SHROOM1: variants seen among roughly 807,000 people sequenced by gnomAD.
SHROOM1 encodes protein Shroom1.
Under a neutral mutation model 64.2 loss-of-function variants are expected in SHROOM1, and 53 were observed. That is an observed-to-expected ratio of 0.83 (90% CI 0.66 to 1.04). The LOEUF is 1.04. Among genes scored for constraint, SHROOM1 ranks in the 50% least tolerant of loss-of-function variants. SHROOM1 has a pLI of 0.00. For missense variants in SHROOM1, 1,179 were observed against 1,163.2 expected, an observed-to-expected ratio of 1.01 and a Z score of -0.20; for synonymous variants, 490 against 518.9, an observed-to-expected ratio of 0.94 and a Z score of 0.76.
rs1056049903 is a variant in SHROOM1 at position 132,826,117 on chromosome 5, G to T, written c.24C>A (p.Gly8=). MEALGPG[G]DRASPASSTS... is the part of the protein sequence containing the mutation. The stretch of plus-strand genomic sequence containing the variant: ...TGGACGAGGCCGGGGAGGCGCGGTC[G>T]CCCCCAGGTCCCAGGGCCTCCATGG... The change falls in exon 4 of 10, where the codon GGC becomes GGA. Residue 8 remains glycine (G), a synonymous_variant. Coordinates refer to ENST00000378679, the MANE Select transcript of SHROOM1 (RefSeq NM_001172700.2). 2.4e-5 allele frequency: 33 copies of T among 1,389,354 alleles called. No homozygotes were observed. The highest frequency in any genetic ancestry group is 3.1e-5 in the Non-Finnish European group (33 of 1,071,330). The allele number at this position is 1,389,354 out of a possible 1,614,324, so 86.1% of individuals were successfully genotyped here. A position where few individuals can be genotyped will look rare whatever the true frequency, so the allele number is the denominator to read the frequency against.
At position 132,824,012 on chromosome 5, in the gene SHROOM1, G is replaced by A. The variant is rs1561448491; in HGVS notation, c.1649C>T (p.Ala550Val). The change falls in exon 7 of 10, where the codon GCC becomes GTC. Residue 550 changes from alanine to valine, a missense_variant. Ala to Val is a moderately conservative substitution (Grantham distance 64). Transcript: ENST00000378679. The part of the protein sequence containing the change: ...QCLEELVQEL[A>V]RLDPSLCDPL... ...GTCACATAGAGAGGGATCTAATCTGGCCAGCTCCTGAACCAGCTCCTCGAG... is the reference window on the plus strand; with the variant it reads ...GTCACATAGAGAGGGATCTAATCTGACCAGCTCCTGAACCAGCTCCTCGAG... 1 of 1,606,610 alleles carries A rather than the reference G, an allele frequency of 6.2e-7. No homozygotes were observed. The highest frequency in any genetic ancestry group is 1.1e-5 in the South Asian group (1 of 89,514).
chr5:132,824,350 T>G lies in SHROOM1; in HGVS notation c.1311A>C (p.Thr437=), dbSNP rs1037625223. ...CTGGACACTCATGGAGCGGGTACTC[T>G]GTGGGGACTGTAACCTGGCCAGTTC... is the stretch of plus-strand genomic sequence containing the variant. The part of the protein sequence containing the change: ...GQRTGQVTVP[T]EYPLHECPGT... Residue 437 remains threonine, a synonymous_variant, in exon 7 of 10, where the codon ACA becomes ACC. Transcript: ENST00000378679. 6.2e-7 allele frequency: 1 copy of G among 1,603,538 alleles called. No homozygotes were observed. Among genetic ancestry groups the G allele is most frequent in the Non-Finnish European group, 8.5e-7 (1 of 1,174,912 alleles).
At chr5:132,827,696 G>A (rs1758747554) in intron 1 of SHROOM1, 89 bp from the exon 2 acceptor site, 1 of 152,352 alleles carries the variant, frequency 6.6e-6, no homozygotes, top group African/African-American at 2.4e-5. Flanking sequence ...TTTGCAGGGA[G>A]TAGATGTAGG....
rs1758522217 is a variant in SHROOM1, at chr5:132,823,376, C to T, written c.2100G>A (p.Glu700=). The T allele has an allele frequency of 6.2e-7, 1 of 1,609,236 alleles. No homozygotes were observed. The highest frequency in any genetic ancestry group is 1.7e-5 in the Admixed American group (1 of 59,964). The change falls in exon 9 of 10, where the codon GAG becomes GAA. Residue 700 remains glutamate, a synonymous_variant. Transcript: ENST00000378679. The surrounding 1 kb of genome is among the most constrained non-coding windows in gnomAD (Gnocchi z 4.6). ...GGTCGGCCATGAACCGGCTGAACCG[C>T]TCCAGCTCCTGAGGGGCACAGGCCT... is the stretch of plus-strand genomic sequence containing the variant. ...VRQACAPQEL[E]RFSRFMADLE...
chr5:132,822,286 AAATT>A lies in SHROOM1; in HGVS notation c.*506_*509del, dbSNP rs372518600. The A allele has an allele frequency of 7.7e-3, 1,163 of 151,926 alleles. 12 individuals are homozygous for A. Among genetic ancestry groups the A allele is most frequent in the Non-Finnish European group, 0.012 (843 of 68,058 alleles). The allele number at this position is 151,926 out of a possible 1,614,324, so 9.4% of individuals were successfully genotyped here. A position where few individuals can be genotyped will look rare whatever the true frequency, so the allele number is the denominator to read the frequency against. ...GAATACTGCAGTTTTTAAGATCCAT[AAATT>A]AATTACCAAATAATACACAAGACCT... is the stretch of plus-strand genomic sequence containing the variant. On this transcript the variant is annotated 3_prime_UTR_variant, in exon 10 of 10. Coordinates refer to ENST00000378679, the MANE Select transcript of SHROOM1 (RefSeq NM_001172700.2).
rs371608004 is a variant in SHROOM1 at position 132,823,287 on chromosome 5, A to T, written c.2189T>A (p.Leu730Gln). 75 of 1,600,532 alleles carry T rather than the reference A, an allele frequency of 4.7e-5. No homozygotes were observed. Among genetic ancestry groups the T allele is most frequent in the Non-Finnish European group, 6.2e-5 (73 of 1,178,706 alleles). The change falls in exon 9 of 10, where the codon CTG (leucine) becomes CAG (glutamine). Residue 730 changes from leucine to glutamine, a missense_variant. Transcript: ENST00000378679. This position sits in a 1 kb window ranked among gnomAD's most constrained non-coding sequence, Gnocchi z 4.6. ...GTCGCTGTCTGAGGCCGCCCGGGCC[A>T]GGGCGCGGCGCACGCGCGCCAGGCG... ...GSRLARVRRA[L>Q]ARAASDSDPD...
chr5:132,824,002 A>G lies in SHROOM1; in HGVS notation c.1659T>C (p.Asp553=). 1 of 1,606,668 alleles carries G rather than the reference A, an allele frequency of 6.2e-7. No individual in the cohort carries two copies. The highest frequency in any genetic ancestry group is 8.5e-7 in the Non-Finnish European group (1 of 1,176,268). ...AAGCAAGAGGGTCACATAGAGAGGG[A>G]TCTAATCTGGCCAGCTCCTGAACCA... ...EELVQELARL[D]PSLCDPLASQ... is the part of the protein sequence containing the mutation. The change falls in exon 7 of 10, where the codon GAT becomes GAC. Residue 553 remains aspartate, a synonymous_variant. Coordinates refer to ENST00000378679, the MANE Select transcript of SHROOM1 (RefSeq NM_001172700.2).
chr5:132,828,361 A>C (rs995895956), intron 1 of SHROOM1, among the ~76,000 whole-genome samples: 1 of 152,194 alleles, frequency 6.6e-6, no homozygotes, highest in Non-Finnish European at 1.5e-5. Flanking sequence ...ATGCCTACTA[A>C]GCCCAGGAGC....
At chr5:132,828,748 A>G (rs2150033805) in intron 1 of SHROOM1, among the ~76,000 whole-genome samples, 1 of 152,142 alleles carries the variant, frequency 6.6e-6, no homozygotes, top group East Asian at 1.9e-4. Context: ...AAATGTGTCT[A>G]CACATGTGTT....
In SHROOM1 at chr5:132,823,126, G is replaced by A. The variant is rs1352782272; in HGVS notation, c.2229C>T (p.Ala743=). Residue 743 remains alanine, a splice_region_variant and synonymous_variant, in exon 10 of 10, where the codon GCC becomes GCT. Transcript: ENST00000378679. The surrounding 1 kb of genome is among the most constrained non-coding windows in gnomAD (Gnocchi z 4.6). The stretch of plus-strand genomic sequence containing the variant: ...GGAGCCGGAGTCGCTGCAGCAGGGA[G>A]GCCTTGAGCCGCAGGAAGAGGCGCC... ...AASDSDPDEQ[A]SLLQRLRLLQ... 1.3e-6 allele frequency: 2 copies of A among 1,554,998 alleles called. No homozygotes were observed. Among genetic ancestry groups the A allele is most frequent in the East Asian group, 2.3e-5 (1 of 44,032 alleles).
Position 132,825,299 on chromosome 5 carries a change from G to A in SHROOM1, c.842C>T (p.Pro281Leu). ...GGAGTCCAGGTTCATGGAGCCTTGG[G>A]GTTGCGTCTCGGGCAGCCATCCGAC... ...HEVGWLPETQ[P>L]QGSMNLDSGS... Residue 281 changes from proline to leucine, a missense_variant, in exon 4 of 10, where the codon CCC becomes CTC. Transcript: ENST00000378679. The surrounding 1 kb of genome is among the most constrained non-coding windows in gnomAD (Gnocchi z 5.1). 2 of 1,612,350 alleles carry A rather than the reference G, an allele frequency of 1.2e-6. No homozygotes were observed. The highest frequency in any genetic ancestry group is 8.5e-7 in the Non-Finnish European group (1 of 1,179,844).
Position 132,830,448 on chromosome 5 carries a change from A to G in SHROOM1, c.-501+146T>C. The stretch of plus-strand genomic sequence containing the variant: ...AACCTGACGCGGCGCCGAGCCAGAC[A>G]CGTCCCGGCCGAACGATGCCCGGGC... On this transcript the variant is annotated intron_variant, in intron 1 of 9. Transcript: ENST00000378679. The surrounding 1 kb of genome is among the most constrained non-coding windows in gnomAD (Gnocchi z 5.9). The G allele has an allele frequency of 1.0e-6, 1 of 984,590 alleles. No individual in the cohort carries two copies. Among genetic ancestry groups the G allele is most frequent in the South Asian group, 4.7e-5 (1 of 21,304 alleles). The allele number at this position is 984,590 out of a possible 1,614,324, so 61.0% of individuals were successfully genotyped here. A position where few individuals can be genotyped will look rare whatever the true frequency, so the allele number is the denominator to read the frequency against.
chr5:132,823,783 C>T lies in SHROOM1; in HGVS notation c.1812-19G>A. On this transcript the variant is annotated intron_variant, in intron 7 of 9. Coordinates refer to ENST00000378679, the MANE Select transcript of SHROOM1 (RefSeq NM_001172700.2). The surrounding 1 kb of genome is among the most constrained non-coding windows in gnomAD (Gnocchi z 4.6). ...ATAGGACCTGGGAACAAAACCAGAG[C>T]TCCCTGGGTTTCCTGTCCCCAACTT... The T allele has an allele frequency of 6.5e-7, 1 of 1,542,224 alleles. No individual in the cohort carries two copies. The highest frequency in any genetic ancestry group is 8.7e-7 in the Non-Finnish European group (1 of 1,145,140).
Position 132,822,762 on chromosome 5 carries a change from TA to T in SHROOM1, c.*33del, listed in dbSNP as rs764088427. ...TCACCCCACTTACGTGGGTGAGAGA[TA>T]GGGGCGGTGCACCCCACCCTCTCCA... On this transcript the variant is annotated 3_prime_UTR_variant, in exon 10 of 10. Coordinates refer to ENST00000378679, the MANE Select transcript of SHROOM1 (RefSeq NM_001172700.2). 22 of 1,530,690 alleles carry T rather than the reference TA, an allele frequency of 1.4e-5. No homozygotes were observed. The South Asian group carries it at 2.5e-4, about 17-fold the overall frequency. 94.8% of individuals were successfully genotyped at this position (1,530,690 alleles called of 1,614,324 possible).
At chr5:132,824,538 A>T (rs748196599) in intron 6 of SHROOM1, 77 bp downstream of exon 6, 14 of 1,532,888 alleles carry the variant, frequency 9.1e-6, no homozygotes, top group Non-Finnish European at 1.2e-5. Flanking sequence ...CTAGGAGAGC[A>T]TTCCCACCCC....
intron 1 of SHROOM1, chr5:132,829,654 C>T (rs747782696): frequency 4.1e-5 from 40 of 985,330 alleles, no homozygotes; most frequent in African/African-American, 5.2e-5. Context: ...CTATCCAGGC[C>T]GCCCCTCCCA....
At position 132,824,760 on chromosome 5, in the gene SHROOM1, C is replaced by A. The variant is rs1355903880; in HGVS notation, c.1096G>T (p.Ala366Ser). The A allele has an allele frequency of 3.7e-6, 6 of 1,613,994 alleles. No individual in the cohort carries two copies. The highest frequency in any genetic ancestry group is 5.1e-6 in the Non-Finnish European group (6 of 1,180,040). Reference sequence around the variant, plus strand: ...TCTGAGACCCTCTGTTCACTGTCAGCAGGGCTGCTCTGGGGTAACTCTGCA... The same window carrying A: ...TCTGAGACCCTCTGTTCACTGTCAGAAGGGCTGCTCTGGGGTAACTCTGCA... Reference protein sequence around the residue: ...YPAELPQSSPADSEQRVSETC... With the variant: ...YPAELPQSSPSDSEQRVSETC... Residue 366 changes from alanine (A) to serine (S), a missense_variant, in exon 6 of 10, where the codon GCT becomes TCT. Transcript: ENST00000378679.
In SHROOM1 at chr5:132,823,130, T is replaced by C; in HGVS notation, c.2227-2A>G. The C allele has an allele frequency of 1.9e-6, 3 of 1,554,208 alleles. No individual in the cohort carries two copies. Among genetic ancestry groups the C allele is most frequent in the Non-Finnish European group, 2.6e-6 (3 of 1,157,828 alleles). ...CCGGAGTCGCTGCAGCAGGGAGGCCTTGAGCCGCAGGAAGAGGCGCCGTGA... is the reference window on the plus strand; with the variant it reads ...CCGGAGTCGCTGCAGCAGGGAGGCCCTGAGCCGCAGGAAGAGGCGCCGTGA... On this transcript the variant is annotated splice_acceptor_variant, in intron 9 of 9. Transcript: ENST00000378679. LOFTEE classifies it high-confidence loss of function. The surrounding 1 kb of genome is among the most constrained non-coding windows in gnomAD (Gnocchi z 4.6).
Position 132,825,582 on chromosome 5 carries a change from C to T in SHROOM1, c.559G>A (p.Ala187Thr). ...ARPPATHPRS[A>T]SLSHPGGEGE... The stretch of plus-strand genomic sequence containing the variant: ...TCCCCGCCCGGGTGGCTGAGCGAGG[C>T]GGAGCGCGGGTGAGTCGCCGGGGGC... Residue 187 changes from alanine to threonine, a missense_variant, in exon 4 of 10, where the codon GCC becomes ACC. Ala to Thr is a moderately conservative substitution (Grantham distance 58, BLOSUM62 0). Coordinates refer to ENST00000378679, the MANE Select transcript of SHROOM1 (RefSeq NM_001172700.2). This position sits in a 1 kb window ranked among gnomAD's most constrained non-coding sequence, Gnocchi z 5.1. 7.1e-7 allele frequency: 1 copy of T among 1,399,214 alleles called. No individual in the cohort carries two copies. The highest frequency in any genetic ancestry group is 9.2e-7 in the Non-Finnish European group (1 of 1,084,940). The allele number at this position is 1,399,214 out of a possible 1,614,324, so 86.7% of individuals were successfully genotyped here. A position where few individuals can be genotyped will look rare whatever the true frequency, so the allele number is the denominator to read the frequency against.
Sources: gnomAD v4.1 joint callset for allele counts (sites outside exome capture counted in the v4.1 genomes callset) on GRCh38, gnomAD v4.1.1 for gene constraint, Gnocchi (gnomAD v3.1) non-coding constraint, MANE v1.5 for transcripts, NCBI Gene and HGNC (gene_info 2026-07-23, HGNC 2026-07-21) for gene names.